Variants in ATP2B4 observed in about 807,000 individuals in gnomAD.
The protein encoded by ATP2B4 is ATPase plasma membrane Ca2+ transporting 4, also known as plasma membrane calcium-transporting ATPase 4.
Under a neutral mutation model 110.3 loss-of-function variants are expected in ATP2B4, and 39 were observed. The observed-to-expected ratio is 0.35, with a 90% CI of 0.27 to 0.46. The LOEUF is 0.46. Ranked by LOEUF, ATP2B4 falls within the 20% of genes least tolerant of loss-of-function variation. ATP2B4 has a pLI of 1.00. For missense variants in ATP2B4, 1,135 were observed against 1,530.9 expected (o/e 0.74, Z 4.32); for synonymous variants, 538 against 571.7 (o/e 0.94, Z 0.84).
At chr1:203,674,637 CTTTTTTTTTTTTTTTTTT>C (rs57153257) in intron 1 of ATP2B4, among the ~76,000 whole-genome samples, 5 of 46,228 alleles carry the variant, frequency 1.1e-4, no homozygotes, top group Admixed American at 3.6e-4. Context: ...CCACACCTGG[CTTTTTTTTTTTTTTTTTT>C]TTTTTTTTTT....
In ATP2B4 at chr1:203,723,913, C is replaced by T. The variant is rs1256006473; in HGVS notation, c.3057C>T (p.Phe1019=). ...IFIVEFGGKP[F]SCTSLSLSQW... Reference sequence around the variant, plus strand: ...TCGTGGAATTTGGGGGTAAACCCTTCAGTTGTACAAGCCTCAGCCTGTCTC... The same window carrying T: ...TCGTGGAATTTGGGGGTAAACCCTTTAGTTGTACAAGCCTCAGCCTGTCTC... Residue 1019 remains phenylalanine, a synonymous_variant, in exon 19 of 21, where the codon TTC becomes TTT. Coordinates refer to ENST00000357681, the MANE Select transcript of ATP2B4 (RefSeq NM_001684.5). 6.2e-7 allele frequency: 1 copy of T among 1,611,024 alleles called. No homozygotes were observed. Among genetic ancestry groups the T allele is most frequent in the South Asian group, 1.1e-5 (1 of 90,348 alleles).
intron 20 of ATP2B4, among the ~76,000 whole-genome samples, chr1:203,738,676 A>G (rs7547344): frequency 0.59 from 89,504 of 152,000 alleles, 26,637 homozygotes; most frequent in Admixed American, 0.66. Flanking sequence ...GGAAACAGCT[A>G]GAGAAAGCAG....
At chr1:203,634,408 C>T (rs1435315729) in intron 1 of ATP2B4, among the ~76,000 whole-genome samples, 2 of 152,160 alleles carry the variant, frequency 1.3e-5, no homozygotes, top group South Asian at 2.1e-4. Context: ...TGCAGTGGCC[C>T]ATAGCCTTGA....
At chr1:203,667,947 CT>C (rs1664556091) in intron 1 of ATP2B4, among the ~76,000 whole-genome samples, 1 of 152,164 alleles carries the variant, frequency 6.6e-6, no homozygotes, top group Non-Finnish European at 1.5e-5. Context: ...GTGTGTTAGA[CT>C]GGAGGAACTG....
intron 1 of ATP2B4, among the ~76,000 whole-genome samples, chr1:203,653,985 ATTT>A (rs1218633538): frequency 3.6e-5 from 4 of 112,442 alleles, no homozygotes; most frequent in African/African-American, 1.6e-4. Context: ...ATATATATAT[ATTT>A]TTTTTTTTTT....
chr1:203,646,145 A>G (rs1008984953), intron 1 of ATP2B4, among the ~76,000 whole-genome samples: 1 of 152,172 alleles, frequency 6.6e-6, no homozygotes, highest in African/African-American at 2.4e-5. Flanking sequence ...TCAGGCACCA[A>G]GACACATGCT....
intron 1 of ATP2B4, among the ~76,000 whole-genome samples, chr1:203,642,587 T>C (rs1444715010): frequency 1.3e-5 from 2 of 152,208 alleles, no homozygotes; most frequent in Non-Finnish European, 2.9e-5. Flanking sequence ...AGTCTTATAT[T>C]GATATAGCAA....
At chr1:203,674,832 A>G (rs1195254481) in intron 1 of ATP2B4, among the ~76,000 whole-genome samples, 2 of 151,200 alleles carry the variant, frequency 1.3e-5, no homozygotes, top group African/African-American at 4.9e-5. Flanking sequence ...AATTTTTTGT[A>G]TTTTTAGTAG....
intron 20 of ATP2B4, chr1:203,729,786 C>T: frequency 7.6e-7 from 1 of 1,320,064 alleles, no homozygotes; most frequent in South Asian, 1.2e-5. Context: ...CGGGCACTGC[C>T]TGGAGCTCAC....
intron 1 of ATP2B4, among the ~76,000 whole-genome samples, chr1:203,668,737 C>T (rs1418653076): frequency 6.6e-6 from 1 of 152,194 alleles, no homozygotes; most frequent in Non-Finnish European, 1.5e-5. Flanking sequence ...CACATTCCTG[C>T]TCCTTCCACT....
chr1:203,674,598 T>C (rs1480412130), intron 1 of ATP2B4, among the ~76,000 whole-genome samples: 1 of 150,204 alleles, frequency 6.7e-6, no homozygotes, highest in African/African-American at 2.5e-5. Context: ...CTCAGCCTTC[T>C]GTGCAGCTGG....
At chr1:203,652,266 TC>T (rs1275728341) in intron 1 of ATP2B4, among the ~76,000 whole-genome samples, 1 of 151,058 alleles carries the variant, frequency 6.6e-6, no homozygotes, top group Non-Finnish European at 1.5e-5. Context: ...TGCCTCAGCC[TC>T]CCAAGTAGTT....
intron 1 of ATP2B4, among the ~76,000 whole-genome samples, chr1:203,660,972 T>C (rs1664321636): frequency 6.7e-6 from 1 of 149,638 alleles, no homozygotes; most frequent in Non-Finnish European, 1.5e-5. Flanking sequence ...TAGCCGGGCA[T>C]GGTGGGGTGG....
In ATP2B4 at chr1:203,723,974, C is replaced by T; in HGVS notation, c.3118C>T (p.Leu1040Phe). The change falls in exon 19 of 21, where the codon CTT becomes TTT. Residue 1040 changes from leucine (L) to phenylalanine (F), a missense_variant. This residue lies in a region of ATP2B4 where 155 missense variants were observed against 186.2 expected (regional missense o/e 0.83). Transcript: ENST00000357681. ...LWCLFIGIGE[L>F]LWGQFISAIP... ...GTGTCTCTTCATTGGGATTGGAGAA[C>T]TTCTGTGGGGCCAGGTGAGTACCGG... 1 of 1,610,814 alleles carries T rather than the reference C, an allele frequency of 6.2e-7. No individual in the cohort carries two copies. The highest frequency in any genetic ancestry group is 8.5e-7 in the Non-Finnish European group (1 of 1,178,632).
intron 20 of ATP2B4, among the ~76,000 whole-genome samples, chr1:203,736,169 A>G (rs1666871458): frequency 6.6e-6 from 1 of 152,222 alleles, no homozygotes; most frequent in South Asian, 2.1e-4. Context: ...TGGTTTCTGA[A>G]AAGAGCAGAA....
chr1:203,683,783 C>T (rs2102362814), intron 2 of ATP2B4, among the ~76,000 whole-genome samples: 1 of 148,748 alleles, frequency 6.7e-6, no homozygotes, highest in East Asian at 2.0e-4. Context: ...AAGCCATCTT[C>T]CTACCTCAGT....
At chr1:203,709,162 A>G (rs1665932220) in intron 10 of ATP2B4, 139 bp from the exon 11 acceptor site, 7 of 1,270,824 alleles carry the variant, frequency 5.5e-6, no homozygotes, top group Non-Finnish European at 6.4e-6. Flanking sequence ...ATCTCCAAAA[A>G]AGAAAAAAAA....
At chr1:203,721,519 A>G in intron 17 of ATP2B4, 109 bp downstream of exon 17, 1 of 1,098,604 alleles carries the variant, frequency 9.1e-7, no homozygotes. Flanking sequence ...GCGCAGCTTC[A>G]CCTCCCAGTG....
chr1:203,645,016 G>C (rs895738371), intron 1 of ATP2B4, among the ~76,000 whole-genome samples: 1 of 152,194 alleles, frequency 6.6e-6, no homozygotes, highest in African/African-American at 2.4e-5. Context: ...ACATCCTCTA[G>C]TGTCACTGGC....
Sources: gnomAD v4.1 joint callset for allele counts (sites outside exome capture counted in the v4.1 genomes callset) on GRCh38, gnomAD v4.1.1 for gene constraint, gnomAD v4.1.1 regional missense constraint, MANE v1.5 for transcripts, NCBI Gene and HGNC (gene_info 2026-07-23, HGNC 2026-07-21) for gene names.